The following CDH4 variants were observed in gnomAD, a reference collection of about 807,000 sequenced individuals.
CDH4 encodes cadherin 4, also known as cadherin-4.
Under a neutral mutation model 86.0 loss-of-function variants are expected in CDH4, and 33 were observed. That is an observed-to-expected ratio of 0.38 (90% CI 0.29 to 0.51). The LOEUF (loss-of-function observed/expected upper bound fraction) is 0.51, where lower values mean the gene tolerates loss of function less well. CDH4 is among the 20% of genes least tolerant of loss of function. The pLI is 0.86. For synonymous variants in CDH4, 555 were observed against 549.4 expected (o/e 1.01, Z -0.14); for missense variants, 1,114 against 1,307.4 (o/e 0.85, Z 2.28).
At chr20:61,303,558 G>A (rs904408379) in intron 2 of CDH4, among the ~76,000 whole-genome samples, 1 of 152,230 alleles carries the variant, frequency 6.6e-6, no homozygotes, top group Non-Finnish European at 1.5e-5. Flanking sequence ...GCAGCAGCAG[G>A]ACAGGGATCC....
chr20:61,712,454 G>A (rs565387446), intron 2 of CDH4, among the ~76,000 whole-genome samples: 2 of 152,272 alleles, frequency 1.3e-5, no homozygotes, highest in South Asian at 4.1e-4. Context: ...TGCCCTAGAG[G>A]GGAGAAGGGC....
At chr20:61,864,190 C>G (rs1983446408) in intron 6 of CDH4, among the ~76,000 whole-genome samples, 1 of 152,090 alleles carries the variant, frequency 6.6e-6, no homozygotes, top group Non-Finnish European at 1.5e-5. Flanking sequence ...GACGGTGCCC[C>G]AACCCCAGGA....
chr20:61,765,680 G>A (rs957511351), intron 3 of CDH4, among the ~76,000 whole-genome samples: 10 of 152,274 alleles, frequency 6.6e-5, no homozygotes, highest in South Asian at 2.1e-4. Flanking sequence ...CAGCCTGGGC[G>A]TGGCACATTT....
At chr20:61,453,996 GTTTCC>G (rs2085393939) in intron 2 of CDH4, among the ~76,000 whole-genome samples, 1 of 152,208 alleles carries the variant, frequency 6.6e-6, no homozygotes, top group Non-Finnish European at 1.5e-5. Flanking sequence ...ATGGTTGTAA[GTTTCC>G]TGAGGCCTCC....
At chr20:61,479,834 G>A (rs1293376952) in intron 2 of CDH4, among the ~76,000 whole-genome samples, 1 of 152,170 alleles carries the variant, frequency 6.6e-6, no homozygotes, top group Non-Finnish European at 1.5e-5. Flanking sequence ...CTGTGTAACA[G>A]GCTACTCAGG....
chr20:61,372,596 G>C (rs542722866), intron 2 of CDH4, among the ~76,000 whole-genome samples: 2 of 152,360 alleles, frequency 1.3e-5, no homozygotes, highest in South Asian at 4.1e-4. Context: ...CCCCAAAGCT[G>C]TGGTGGACTT....
At chr20:61,570,477 T>C (rs57326051) in intron 2 of CDH4, 25,662 of 573,652 alleles carry the variant, frequency 0.045, 1,559 homozygotes, top group African/African-American at 0.21. Flanking sequence ...TCCCAGAGGC[T>C]GGGTCTCCCT....
intron 2 of CDH4, among the ~76,000 whole-genome samples, chr20:61,573,092 G>C (rs2086356711): frequency 6.6e-6 from 1 of 152,154 alleles, no homozygotes; most frequent in Non-Finnish European, 1.5e-5. Context: ...ATGGATGGTT[G>C]GACGGATGGA....
intron 2 of CDH4, among the ~76,000 whole-genome samples, chr20:61,335,627 A>G (rs2084612813): frequency 6.6e-6 from 1 of 152,192 alleles, no homozygotes; most frequent in Non-Finnish European, 1.5e-5. Flanking sequence ...CTGAGGTGGG[A>G]TCAATAAGTC....
intron 4 of CDH4, among the ~76,000 whole-genome samples, chr20:61,813,636 A>G (rs981290231): frequency 6.6e-6 from 1 of 152,152 alleles, no homozygotes; most frequent in African/African-American, 2.4e-5. Flanking sequence ...GGGCTGTGTA[A>G]TGGGGGCTCA....
chr20:61,678,018 A>G (rs1052099615), intron 2 of CDH4, among the ~76,000 whole-genome samples: 6 of 152,162 alleles, frequency 3.9e-5, no homozygotes, highest in Admixed American at 6.5e-5. Context: ...GATAGATAAT[A>G]GATGGATAAA....
At chr20:61,777,942 TAC>T (rs562319100) in intron 4 of CDH4, among the ~76,000 whole-genome samples, 174 of 149,340 alleles carry the variant, frequency 1.2e-3, no homozygotes, top group Middle Eastern at 3.7e-3. Flanking sequence ...GTGCATACTA[TAC>T]ACACATGCAC....
chr20:61,304,768 TGTG>T, intron 2 of CDH4, among the ~76,000 whole-genome samples: 1 of 146,222 alleles, frequency 6.8e-6, no homozygotes, highest in Non-Finnish European at 1.5e-5. Flanking sequence ...ATGTTGTGTG[TGTG>T]GGGTTGTGTG....
At chr20:61,384,716 A>G (rs1209851693) in intron 2 of CDH4, among the ~76,000 whole-genome samples, 1 of 152,154 alleles carries the variant, frequency 6.6e-6, no homozygotes, top group Non-Finnish European at 1.5e-5. Context: ...TAAGTTTTAA[A>G]TTATAAATTC....
intron 2 of CDH4, among the ~76,000 whole-genome samples, chr20:61,324,650 C>A (rs976454331): frequency 6.6e-5 from 10 of 152,178 alleles, no homozygotes; most frequent in Non-Finnish European, 1.2e-4. Flanking sequence ...AATTTGTACC[C>A]AATAAGGGCA....
At chr20:61,733,445 G>A (rs35900525) in intron 2 of CDH4, among the ~76,000 whole-genome samples, 13,975 of 152,126 alleles carry the variant, frequency 0.092, 790 homozygotes, top group South Asian at 0.21. Flanking sequence ...CTGCTCCCCC[G>A]GTCACAGAGG....
At chr20:61,734,461 T>C (rs945626795) in intron 2 of CDH4, among the ~76,000 whole-genome samples, 2 of 152,256 alleles carry the variant, frequency 1.3e-5, no homozygotes, top group Admixed American at 6.5e-5. Flanking sequence ...GGCAGTGCGC[T>C]TGTGACATGC....
intron 2 of CDH4, among the ~76,000 whole-genome samples, chr20:61,677,266 C>G (rs1263806895): frequency 6.6e-6 from 1 of 152,154 alleles, no homozygotes; most frequent in African/African-American, 2.4e-5. Flanking sequence ...GATTCAAGTA[C>G]AGGAAAAGGG....
chr20:61,394,306 C>T (rs1217870693), intron 2 of CDH4, among the ~76,000 whole-genome samples: 1 of 152,192 alleles, frequency 6.6e-6, no homozygotes, highest in Non-Finnish European at 1.5e-5. Flanking sequence ...GACTCTCCCG[C>T]CCCTGCCTGT....
Sources: allele counts gnomAD v4.1 joint callset (sites outside exome capture counted in the v4.1 genomes callset), GRCh38; gene constraint gnomAD v4.1.1; transcripts MANE v1.5; gene names NCBI Gene and HGNC (gene_info 2026-07-23, HGNC 2026-07-21).